The following SCLT1 variants were observed in gnomAD, a reference collection of about 807,000 sequenced individuals.
The protein encoded by SCLT1 is sodium channel-associated protein 1.
A neutral mutation model predicts 112.8 loss-of-function variants in SCLT1; 78 were observed. That is an observed-to-expected ratio of 0.69 (90% CI 0.58 to 0.83). The LOEUF (loss-of-function observed/expected upper bound fraction) is 0.83, where lower values mean the gene tolerates loss of function less well. Among genes scored for constraint, SCLT1 ranks in the 40% least tolerant of loss-of-function variants. The pLI is 0.00. For synonymous variants in SCLT1, 257 were observed against 254.7 expected, an observed-to-expected ratio of 1.01 and a Z score of -0.09; for missense variants, 747 against 770.4, an observed-to-expected ratio of 0.97 and a Z score of 0.36.
At chr4:128,968,413 T>C (rs1371148453) in intron 10 of SCLT1, among the ~76,000 whole-genome samples, 1 of 152,200 alleles carries the variant, frequency 6.6e-6, no homozygotes, top group Admixed American at 6.5e-5. Context: ...GCTCTAGAGT[T>C]TCTTTTTTAA....
At chr4:128,990,460 T>C (rs1047752766) in intron 9 of SCLT1, among the ~76,000 whole-genome samples, 1 of 151,938 alleles carries the variant, frequency 6.6e-6, no homozygotes, top group Non-Finnish European at 1.5e-5. Context: ...GTAAAAGTCA[T>C]GTATGACAAA....
At chr4:128,908,114 T>G (rs1289838517) in intron 18 of SCLT1, among the ~76,000 whole-genome samples, 1 of 152,178 alleles carries the variant, frequency 6.6e-6, no homozygotes, top group African/African-American at 2.4e-5. Context: ...TAGTGATGAC[T>G]GATGATTAAA....
At chr4:128,900,229 A>G (rs1031760634) in intron 18 of SCLT1, among the ~76,000 whole-genome samples, 30 of 152,240 alleles carry the variant, frequency 2.0e-4, no homozygotes, top group African/African-American at 7.0e-4. Flanking sequence ...GTCAATCCTA[A>G]GCCAAAAGAA....
intron 18 of SCLT1, among the ~76,000 whole-genome samples, chr4:128,895,116 G>A (rs1733636396): frequency 6.6e-6 from 1 of 152,136 alleles, no homozygotes; most frequent in Admixed American, 6.5e-5. Context: ...TAGAGTTATT[G>A]TAATAACGAG....
chr4:129,090,562 C>G (rs1752748616), intron 1 of SCLT1, among the ~76,000 whole-genome samples: 1 of 152,022 alleles, frequency 6.6e-6, no homozygotes, highest in South Asian at 2.1e-4. Context: ...TTTTATGACA[C>G]CAAAAACACA....
intron 9 of SCLT1, among the ~76,000 whole-genome samples, chr4:128,987,143 G>C (rs954823888): frequency 1.3e-5 from 2 of 152,138 alleles, no homozygotes; most frequent in African/African-American, 4.8e-5. Flanking sequence ...TGGCTGCAAT[G>C]TTCTGAAATG....
intron 18 of SCLT1, among the ~76,000 whole-genome samples, chr4:128,902,858 GT>G (rs370514358): frequency 3.3e-5 from 5 of 151,940 alleles, no homozygotes; most frequent in African/African-American, 1.2e-4. Context: ...TATTCTTTGA[GT>G]TTTTTGTTAA....
intron 2 of SCLT1, among the ~76,000 whole-genome samples, chr4:129,058,560 C>T (rs994218073): frequency 6.6e-6 from 1 of 152,126 alleles, no homozygotes; most frequent in Admixed American, 6.5e-5. Context: ...TTTTATTCCA[C>T]TGTGGTCACA....
chr4:128,936,093 C>G lies in SCLT1; in HGVS notation c.1829+562G>C, dbSNP rs79180569. Among the ~76,000 whole-genome samples the G allele has an allele frequency of 4.3e-3, 640 of 148,992 alleles. 4 individuals are homozygous for G. The highest frequency in any genetic ancestry group is 0.014 in the African/African-American group (578 of 40,336). On this transcript the variant is annotated intron_variant, in intron 18 of 20. Coordinates refer to ENST00000281142, the MANE Select transcript of SCLT1 (RefSeq NM_144643.4). ...ACTAGTTTCTTTCTCCCTTCTCTTA[C>G]CCTTGCCTCTTTACAGTCTATTCTT...
intron 5 of SCLT1, among the ~76,000 whole-genome samples, chr4:129,024,960 T>C (rs1745893588): frequency 6.6e-6 from 1 of 151,860 alleles, no homozygotes; most frequent in South Asian, 2.1e-4. Flanking sequence ...TGATGGAAGA[T>C]GAAATGAATG....
At chr4:128,967,067 A>G (rs961669022) in intron 10 of SCLT1, among the ~76,000 whole-genome samples, 3 of 151,946 alleles carry the variant, frequency 2.0e-5, no homozygotes, top group African/African-American at 7.3e-5. Flanking sequence ...GTCCATTTGT[A>G]CTCAATGATT....
chr4:128,890,232 A>G (rs917766691), intron 19 of SCLT1, among the ~76,000 whole-genome samples: 1 of 152,168 alleles, frequency 6.6e-6, no homozygotes, highest in Admixed American at 6.5e-5. Flanking sequence ...AAATCCTAGT[A>G]TATGCAACTG....
At chr4:129,047,775 T>G (rs1579837043) in intron 2 of SCLT1, among the ~76,000 whole-genome samples, 1 of 152,110 alleles carries the variant, frequency 6.6e-6, no homozygotes, top group African/African-American at 2.4e-5. Flanking sequence ...TCTTGGCCAG[T>G]TGTATGTCTT....
chr4:128,928,456 C>CA (rs1375127310), intron 18 of SCLT1, among the ~76,000 whole-genome samples: 1 of 152,096 alleles, frequency 6.6e-6, no homozygotes, highest in African/African-American at 2.4e-5. Context: ...GGTACACTAG[C>CA]AAAATCAATC....
At chr4:129,049,960 A>G (rs190990466) in intron 2 of SCLT1, among the ~76,000 whole-genome samples, 3 of 151,928 alleles carry the variant, frequency 2.0e-5, no homozygotes, top group East Asian at 3.9e-4. Context: ...TCATTGTTCA[A>G]CTCCCACTTA....
chr4:128,943,355 G>A (rs13126896), intron 16 of SCLT1, among the ~76,000 whole-genome samples, 167 bp from the exon 17 acceptor site: 3,791 of 152,090 alleles, frequency 0.025, 73 homozygotes, highest in Middle Eastern at 0.051. Context: ...GTTATACCAG[G>A]CAAATACATT....
chr4:128,896,394 G>A (rs1733762471), intron 18 of SCLT1, among the ~76,000 whole-genome samples: 1 of 152,166 alleles, frequency 6.6e-6, no homozygotes, highest in Admixed American at 6.5e-5. Context: ...AGCCTCTGCT[G>A]CTGATACCCA....
intron 5 of SCLT1, among the ~76,000 whole-genome samples, chr4:129,008,486 T>G (rs150847652): frequency 4.8e-4 from 73 of 152,346 alleles, no homozygotes; most frequent in African/African-American, 1.7e-3. Context: ...ATGCTTGTGA[T>G]GCATGGTGTT....
At position 128,970,367 on chromosome 4, in the gene SCLT1, A is replaced by G. The variant is rs778314950; in HGVS notation, c.777+11T>C. 8 of 1,492,734 alleles carry G rather than the reference A, an allele frequency of 5.4e-6. No individual in the cohort carries two copies. The African/African-American group carries it at 8.3e-5, about 15-fold the overall frequency. The allele number at this position is 1,492,734 out of a possible 1,614,324, so 92.5% of individuals were successfully genotyped here. On this transcript the variant is annotated intron_variant, in intron 10 of 20. Transcript: ENST00000281142. ...CAATAGGTACCCATTTGTCTTAGAA[A>G]TAGAAAATACCTTCTTTTTCATCTG...
Sources: allele counts gnomAD v4.1 joint callset (sites outside exome capture counted in the v4.1 genomes callset), GRCh38; gene constraint gnomAD v4.1.1; transcripts MANE v1.5; gene names NCBI Gene and HGNC (gene_info 2026-07-23, HGNC 2026-07-21).